Variants in LRP1B observed in about 807,000 individuals in gnomAD.
LRP1B encodes LDL receptor related protein 1B, also known as low-density lipoprotein receptor-related protein 1B.
In LRP1B, 217 loss-of-function variants were observed where a neutral mutation model predicts 556.6. The observed-to-expected ratio is 0.39, with a 90% CI of 0.35 to 0.44. The LOEUF (loss-of-function observed/expected upper bound fraction) is 0.44. LRP1B is among the 20% of genes least tolerant of loss of function. LRP1B has a pLI of 1.00. For synonymous variants in LRP1B, 2,047 were observed against 1,865.8 expected (o/e 1.10, Z -2.50); for missense variants, 5,053 against 5,620.8 (o/e 0.90, Z 3.23).
Position 141,776,891 on chromosome 2 carries a change from CCA to C in LRP1B, c.205+33386_205+33387del, listed in dbSNP as rs771721502. 3.9e-4 allele frequency among the ~76,000 whole-genome samples: 60 copies of C among 152,154 alleles called. 1 individual carries two copies. Among genetic ancestry groups the C allele is most frequent in the Non-Finnish European group, 7.5e-4 (51 of 68,038 alleles). On this transcript the variant is annotated intron_variant, in intron 2 of 90. Transcript: ENST00000389484. ...GCTATTTACTTTGTGCCAGAGACCA[CCA>C]CATATTTTTTTAAATTATGTATTAT...
At chr2:141,940,142 G>C (rs998604647) in intron 1 of LRP1B, among the ~76,000 whole-genome samples, 1 of 151,822 alleles carries the variant, frequency 6.6e-6, no homozygotes, top group Non-Finnish European at 1.5e-5. Flanking sequence ...GACAGAGTAA[G>C]AGAAGATACT....
intron 2 of LRP1B, among the ~76,000 whole-genome samples, chr2:141,543,515 T>C (rs1471838983): frequency 1.4e-4 from 5 of 34,886 alleles, no homozygotes; most frequent in Non-Finnish European, 2.6e-4. Flanking sequence ...AGCGACCCTG[T>C]CTCAAAAAAA....
At chr2:140,269,387 G>A (rs973922767) in intron 86 of LRP1B, 3 of 469,754 alleles carry the variant, frequency 6.4e-6, no homozygotes, top group Non-Finnish European at 1.3e-5. Flanking sequence ...AGCATCTGCA[G>A]AATTTCAGTA....
chr2:141,545,096 T>C (rs2105219977), intron 2 of LRP1B, among the ~76,000 whole-genome samples: 1 of 152,314 alleles, frequency 6.6e-6, no homozygotes, highest in Non-Finnish European at 1.5e-5. Context: ...ATCAAATAAC[T>C]TGTCCAGATT....
intron 2 of LRP1B, among the ~76,000 whole-genome samples, chr2:141,582,428 A>G (rs1184182533): frequency 6.6e-6 from 1 of 152,194 alleles, no homozygotes; most frequent in African/African-American, 2.4e-5. Context: ...TGATAGGCAT[A>G]GTATTATTTG....
At chr2:140,303,310 C>T (rs192105517) in intron 83 of LRP1B, among the ~76,000 whole-genome samples, 34 of 151,958 alleles carry the variant, frequency 2.2e-4, no homozygotes, top group Non-Finnish European at 4.0e-4. Context: ...TGCAGTGGCA[C>T]AGTCTTGGCT....
chr2:141,414,198 C>T (rs1178499437), intron 3 of LRP1B, among the ~76,000 whole-genome samples: 2 of 138,536 alleles, frequency 1.4e-5, no homozygotes, highest in African/African-American at 2.7e-5. Flanking sequence ...GATAGCGCCA[C>T]TGCACTCCAG....
chr2:141,901,964 T>TA (rs11418167), intron 1 of LRP1B, among the ~76,000 whole-genome samples: 1 of 151,478 alleles, frequency 6.6e-6, no homozygotes, highest in Non-Finnish European at 1.5e-5. Flanking sequence ...TGTATCTTTC[T>TA]TCATACCTAG....
chr2:141,421,813 T>A (rs1680154884), intron 3 of LRP1B, among the ~76,000 whole-genome samples: 1 of 152,170 alleles, frequency 6.6e-6, no homozygotes, highest in African/African-American at 2.4e-5. Flanking sequence ...TCTTTCTCTA[T>A]CTCTGAACGT....
intron 1 of LRP1B, among the ~76,000 whole-genome samples, chr2:142,120,130 T>TG (rs59193876): frequency 1.3e-5 from 2 of 150,740 alleles, no homozygotes; most frequent in African/African-American, 4.9e-5. Context: ...TTTGTTTGTT[T>TG]TTTGAGACAG....
At chr2:141,143,556 T>C (rs191701850) in intron 7 of LRP1B, among the ~76,000 whole-genome samples, 5 of 152,322 alleles carry the variant, frequency 3.3e-5, no homozygotes, top group African/African-American at 1.2e-4. Flanking sequence ...TGGAGTTGTA[T>C]ACTGATAAAT....
chr2:140,854,928 C>G (rs1261348221), intron 27 of LRP1B, among the ~76,000 whole-genome samples: 1 of 152,126 alleles, frequency 6.6e-6, no homozygotes, highest in East Asian at 1.9e-4. Context: ...GATGGGAAAG[C>G]CATTGATCAA....
At chr2:141,006,554 T>A (rs1697580829) in intron 14 of LRP1B, among the ~76,000 whole-genome samples, 1 of 152,050 alleles carries the variant, frequency 6.6e-6, no homozygotes, top group Non-Finnish European at 1.5e-5. Flanking sequence ...TGTAATCACA[T>A]CATTGTGCGA....
chr2:140,374,868 T>G (rs1314830521), intron 68 of LRP1B, among the ~76,000 whole-genome samples: 1 of 152,146 alleles, frequency 6.6e-6, no homozygotes, highest in East Asian at 1.9e-4. Context: ...AGCAGCTCAA[T>G]GACCAATGGT....
At chr2:140,540,867 ATAT>A (rs1680107423) in intron 45 of LRP1B, 103 bp downstream of exon 45, 1 of 1,241,464 alleles carries the variant, frequency 8.1e-7, no homozygotes. Context: ...TAAGCTTCTA[ATAT>A]TAGAAGAGAG....
At chr2:140,751,434 T>C (rs868317453) in intron 35 of LRP1B, among the ~76,000 whole-genome samples, 5 of 152,338 alleles carry the variant, frequency 3.3e-5, no homozygotes, top group Middle Eastern at 3.4e-3. Context: ...CTTGTGATGA[T>C]CATAACAGCA....
At chr2:141,359,435 AG>A (rs1559028066) in intron 3 of LRP1B, among the ~76,000 whole-genome samples, 1 of 152,182 alleles carries the variant, frequency 6.6e-6, no homozygotes, top group Non-Finnish European at 1.5e-5. Flanking sequence ...ATGACTTACG[AG>A]GAAAAGCGTC....
intron 66 of LRP1B, among the ~76,000 whole-genome samples, chr2:140,433,369 A>T (rs1192612927): frequency 6.6e-6 from 1 of 152,202 alleles, no homozygotes; most frequent in Non-Finnish European, 1.5e-5. Flanking sequence ...AAATGCTAGA[A>T]GTACAAGCGT....
intron 7 of LRP1B, among the ~76,000 whole-genome samples, chr2:141,077,181 G>A (rs959801520): frequency 1.3e-5 from 2 of 152,164 alleles, no homozygotes; most frequent in African/African-American, 4.8e-5. Context: ...CCAGGAAGTG[G>A]AGGTTGCAGT....
Sources: gnomAD v4.1 joint callset for allele counts (sites outside exome capture counted in the v4.1 genomes callset) on GRCh38, gnomAD v4.1.1 for gene constraint, MANE v1.5 for transcripts, NCBI Gene and HGNC (gene_info 2026-07-23, HGNC 2026-07-21) for gene names.